Variants in CABIN1 observed in about 807,000 individuals in gnomAD.
CABIN1 encodes the protein calcineurin-binding protein cabin-1.
CABIN1 carries 133 observed loss-of-function variants against 227.7 expected under a neutral mutation model. The ratio of observed to expected loss-of-function variants is 0.58; its 90% CI spans 0.51 to 0.67. The LOEUF (loss-of-function observed/expected upper bound fraction) is 0.67. Among genes scored for constraint, CABIN1 ranks in the 30% least tolerant of loss-of-function variants. CABIN1 has a pLI of 0.00. For missense variants in CABIN1, 2,408 were observed against 2,852.5 expected, an observed-to-expected ratio of 0.84 and a Z score of 3.55; for synonymous variants, 1,086 against 1,155.1, an observed-to-expected ratio of 0.94 and a Z score of 1.21.
Position 24,095,914 on chromosome 22 carries a change from A to G in CABIN1, c.3787-17A>G, listed in dbSNP as rs750994174. The G allele has an allele frequency of 6.2e-7, 1 of 1,613,836 alleles. No individual in the cohort carries two copies. ...CAACTGGGAAGGCTGCTCACACTAG[A>G]GGTGTCGTTCTCCTAGGTGTACTTT... On this transcript the variant is annotated splice_polypyrimidine_tract_variant and intron_variant, in intron 24 of 36. Transcript: ENST00000263119.
chr22:24,066,835 G>A, intron 15 of CABIN1, 152 bp from the exon 16 acceptor site: 3 of 704,132 alleles, frequency 4.3e-6, no homozygotes, highest in East Asian at 5.4e-5. Flanking sequence ...AAACACTGAT[G>A]TATGAAGGAG....
At position 24,033,607 on chromosome 22, in the gene CABIN1, C is replaced by T. The variant is rs576880564; in HGVS notation, c.-74-1837C>T. Among the ~76,000 whole-genome samples, 11 of 152,292 alleles carry T rather than the reference C, an allele frequency of 7.2e-5. No individual in the cohort carries two copies. The South Asian group carries it at 2.1e-3, about 29-fold the overall frequency. Reference sequence around the variant, plus strand: ...TGGGTCCTCCTCCTGCCCTCCCTGACGTATTTGGTAGTGTCCATATCCCCA... The same window carrying T: ...TGGGTCCTCCTCCTGCCCTCCCTGATGTATTTGGTAGTGTCCATATCCCCA... On this transcript the variant is annotated intron_variant, in intron 1 of 36. Transcript: ENST00000263119.
intron 33 of CABIN1, among the ~76,000 whole-genome samples, chr22:24,170,416 G>A (rs1305710595): frequency 6.6e-6 from 1 of 152,202 alleles, no homozygotes; most frequent in African/African-American, 2.4e-5. Flanking sequence ...CAGTGCCCAC[G>A]GCTGAGGCCC....
At chr22:24,059,853 A>C in intron 11 of CABIN1, 71 bp from the exon 12 acceptor site, 2 of 1,362,400 alleles carry the variant, frequency 1.5e-6, no homozygotes, top group Non-Finnish European at 2.1e-6. Flanking sequence ...TTACTGTCCC[A>C]AAGTAAATAG....
At chr22:24,109,115 C>T (rs1429758197) in intron 26 of CABIN1, among the ~76,000 whole-genome samples, 1 of 152,034 alleles carries the variant, frequency 6.6e-6, no homozygotes, top group Non-Finnish European at 1.5e-5. Flanking sequence ...ATGGCATTTA[C>T]AGAGGCTCTC....
intron 27 of CABIN1, 74 bp downstream of exon 27, chr22:24,113,822 G>A (rs961435711): frequency 1.8e-4 from 277 of 1,533,612 alleles, no homozygotes; most frequent in Non-Finnish European, 1.8e-4. Flanking sequence ...CGAAGGCTTC[G>A]TGGCCCAGGG....
intron 1 of CABIN1, among the ~76,000 whole-genome samples, chr22:24,032,486 T>C (rs570925493): frequency 6.6e-6 from 1 of 152,312 alleles, no homozygotes; most frequent in African/African-American, 2.4e-5. Flanking sequence ...CTTTCATTTA[T>C]TTTGTGTATA....
chr22:24,098,849 A>G (rs942852947), intron 26 of CABIN1, among the ~76,000 whole-genome samples: 1 of 152,144 alleles, frequency 6.6e-6, no homozygotes, highest in African/African-American at 2.4e-5. Context: ...ACTTGCTGGG[A>G]TAAGCCAAAT....
Position 24,055,144 on chromosome 22 carries a change from A to T in CABIN1, c.1078A>T (p.Thr360Ser). Reference sequence around the variant, plus strand: ...ACTGCACAGTCCTGGTCTGTTGGAGACAGGCGCTCCTGTGGGTAAGCAGGC... The same window carrying T: ...ACTGCACAGTCCTGGTCTGTTGGAGTCAGGCGCTCCTGTGGGTAAGCAGGC... Reference protein sequence around the residue: ...FPLHSPGLLETGAPVGDISGG... With the variant: ...FPLHSPGLLESGAPVGDISGG... Residue 360 changes from threonine (T) to serine (S), a missense_variant, in exon 9 of 37, where the codon ACA becomes TCA. Physicochemically the swap from Thr to Ser is moderately conservative, Grantham distance 58 (BLOSUM62 1). Coordinates refer to ENST00000263119, the MANE Select transcript of CABIN1 (RefSeq NM_012295.4). The T allele has an allele frequency of 6.2e-7, 1 of 1,612,324 alleles. No individual in the cohort carries two copies. The highest frequency in any genetic ancestry group is 8.5e-7 in the Non-Finnish European group (1 of 1,180,012).
rs1322453099 is a variant in CABIN1 at position 24,064,181 on chromosome 22, G to T, written c.2031G>T (p.Leu677=). ...PNLHNDSVVS[L]EEIDKNLKSL... Reference sequence around the variant, plus strand: ...TCCATAATGACTCTGTGGTTTCCCTGGAGGAGGTAAGTGAGAATTTTCGTT... The same window carrying T: ...TCCATAATGACTCTGTGGTTTCCCTTGAGGAGGTAAGTGAGAATTTTCGTT... Residue 677 remains leucine (L), a synonymous_variant, in exon 15 of 37, where the codon CTG becomes CTT. Transcript: ENST00000263119. 1.2e-6 allele frequency: 2 copies of T among 1,614,144 alleles called. No homozygotes were observed. Among genetic ancestry groups the T allele is most frequent in the Admixed American group, 3.3e-5 (2 of 60,024 alleles).
At chr22:24,155,551 G>A (rs1019028169) in intron 29 of CABIN1, among the ~76,000 whole-genome samples, 1 of 152,104 alleles carries the variant, frequency 6.6e-6, no homozygotes, top group Admixed American at 6.5e-5. Context: ...CCTCCGCCCT[G>A]AGGACATTAC....
chr22:24,028,243 A>G (rs1274336609), intron 1 of CABIN1, among the ~76,000 whole-genome samples: 1 of 152,252 alleles, frequency 6.6e-6, no homozygotes, highest in African/African-American at 2.4e-5. Context: ...TTTCTTGACA[A>G]AGGGCTGCCA....
chr22:24,016,599 G>A (rs963817865), intron 1 of CABIN1, among the ~76,000 whole-genome samples: 7 of 152,164 alleles, frequency 4.6e-5, no homozygotes, highest in African/African-American at 1.7e-4. Context: ...AGTGCTGCAC[G>A]GTGAATAATT....
chr22:24,046,504 G>A (rs2147208091), intron 6 of CABIN1, among the ~76,000 whole-genome samples: 1 of 152,112 alleles, frequency 6.6e-6, no homozygotes, highest in East Asian at 1.9e-4. Context: ...ACCATCTTTG[G>A]GGTTCAGCCT....
At chr22:24,132,062 CAAAAA>C (rs34365542) in intron 28 of CABIN1, among the ~76,000 whole-genome samples, 1 of 114,794 alleles carries the variant, frequency 8.7e-6, no homozygotes. Context: ...ACTCTGTCTC[CAAAAA>C]AAAAAAAAAA....
chr22:24,083,230 G>A lies in CABIN1; in HGVS notation c.2751G>A (p.Val917=). ...GCCATCTCTTCTGCCCACCACAGGTGCGAGTACTCCAGAAGGAACTGGCTG... is the reference window on the plus strand; with the variant it reads ...GCCATCTCTTCTGCCCACCACAGGTACGAGTACTCCAGAAGGAACTGGCTG... ...NSDGALLRFY[V]RVLQKELAAS... The change falls in exon 20 of 37, where the codon GTG becomes GTA. Residue 917 remains valine, a splice_region_variant and synonymous_variant. Transcript: ENST00000263119. 6.2e-7 allele frequency: 1 copy of A among 1,612,226 alleles called. No individual in the cohort carries two copies. The highest frequency in any genetic ancestry group is 8.5e-7 in the Non-Finnish European group (1 of 1,179,994).
intron 24 of CABIN1, 105 bp from the exon 25 acceptor site, chr22:24,095,826 C>T: frequency 1.7e-6 from 2 of 1,205,174 alleles, no homozygotes; most frequent in South Asian, 2.4e-5. Context: ...TGTGTGGCAG[C>T]CTGTTGCCCT....
chr22:24,034,337 A>G (rs1450835695), intron 1 of CABIN1, among the ~76,000 whole-genome samples: 1 of 152,226 alleles, frequency 6.6e-6, no homozygotes, highest in Non-Finnish European at 1.5e-5. Flanking sequence ...CATTTCATAT[A>G]ATTGGAGCCA....
Position 24,177,194 on chromosome 22 carries a change from A to C in CABIN1, c.6206-310A>C, listed in dbSNP as rs2047166695. Among the ~76,000 whole-genome samples, 1 of 152,222 alleles carries C rather than the reference A, an allele frequency of 6.6e-6. No individual in the cohort carries two copies. Among genetic ancestry groups the C allele is most frequent in the Non-Finnish European group, 1.5e-5 (1 of 68,030 alleles). On this transcript the variant is annotated intron_variant, in intron 35 of 36. Transcript: ENST00000263119. The surrounding 1 kb of genome is among the most constrained non-coding windows in gnomAD (Gnocchi z 4.4). Reference sequence around the variant, plus strand: ...GATGGTTGTGGAAATACGACAGTTCATGCAAGCATGATGCCTGGAGGTCTT... The same window carrying C: ...GATGGTTGTGGAAATACGACAGTTCCTGCAAGCATGATGCCTGGAGGTCTT...
Sources: allele counts gnomAD v4.1 joint callset (sites outside exome capture counted in the v4.1 genomes callset), GRCh38; gene constraint gnomAD v4.1.1; non-coding constraint Gnocchi (gnomAD v3.1); transcripts MANE v1.5; gene names NCBI Gene and HGNC (gene_info 2026-07-23, HGNC 2026-07-21).